ST18: variants seen among roughly 807,000 people sequenced by gnomAD.
ST18 encodes suppression of tumorigenicity 18 protein.
In ST18, 50 loss-of-function variants were observed where a neutral mutation model predicts 110.0. The ratio of observed to expected loss-of-function variants is 0.45; its 90% CI spans 0.36 to 0.58. ST18 has a LOEUF of 0.58. Ranked by LOEUF, ST18 falls within the 20% of genes least tolerant of loss-of-function variation. The pLI, the probability that ST18 is intolerant of heterozygous loss-of-function variation, is 0.00. For missense variants in ST18, 1,306 were observed against 1,280.1 expected (o/e 1.02, Z -0.31); for synonymous variants, 461 against 452.4 (o/e 1.02, Z -0.24).
At chr8:52,261,362 AC>A (rs2094688532) in intron 2 of ST18, among the ~76,000 whole-genome samples, 1 of 151,960 alleles carries the variant, frequency 6.6e-6, no homozygotes, top group Non-Finnish European at 1.5e-5. Context: ...CCTGTCATTC[AC>A]TATTCATCTC....
At chr8:52,388,001 C>T (rs1157604685) in intron 2 of ST18, among the ~76,000 whole-genome samples, 4 of 136,174 alleles carry the variant, frequency 2.9e-5, no homozygotes, top group Non-Finnish European at 4.7e-5. Flanking sequence ...AGGTGAAAAG[C>T]TAGCAGGGTG....
intron 2 of ST18, among the ~76,000 whole-genome samples, chr8:52,277,094 TG>T (rs1425957976): frequency 5.9e-5 from 9 of 152,214 alleles, no homozygotes; most frequent in Admixed American, 5.9e-4. Context: ...ATGTTTCAGC[TG>T]TGTTGGAGAC....
intron 2 of ST18, among the ~76,000 whole-genome samples, chr8:52,303,128 T>A (rs973406059): frequency 2.0e-5 from 3 of 152,240 alleles, no homozygotes; most frequent in African/African-American, 7.2e-5. Context: ...AATTGGTGGC[T>A]TAAAATGACA....
intron 2 of ST18, among the ~76,000 whole-genome samples, chr8:52,268,464 C>CTAT (rs1564373347): frequency 8.4e-5 from 12 of 143,526 alleles, no homozygotes; most frequent in Non-Finnish European, 1.8e-4. Flanking sequence ...GTCTATCTAT[C>CTAT]TATCATCTAT....
intron 6 of ST18, among the ~76,000 whole-genome samples, chr8:52,216,097 G>T (rs1049754010): frequency 6.6e-6 from 1 of 152,196 alleles, no homozygotes; most frequent in African/African-American, 2.4e-5. Flanking sequence ...GATGAACTCC[G>T]TGAGTTTCTT....
Position 52,344,697 on chromosome 8 carries a change from A to G in ST18, c.-465+64631T>C, listed in dbSNP as rs1229233635. 1.3e-5 allele frequency among the ~76,000 whole-genome samples: 2 copies of G among 152,226 alleles called. 1 individual carries two copies. The highest frequency in any genetic ancestry group is 6.3e-3 in the Middle Eastern group (2 of 316). On this transcript the variant is annotated intron_variant, in intron 2 of 25. Coordinates refer to ENST00000689386, the MANE Select transcript of ST18 (RefSeq NM_001352837.2). ...ATTACAGGCATGAGCCACCGTGCCC[A>G]GCCAATAACTGCCATTTCTAATGAG...
At chr8:52,228,602 A>T (rs1005986989) in intron 3 of ST18, among the ~76,000 whole-genome samples, 7 of 152,146 alleles carry the variant, frequency 4.6e-5, no homozygotes, top group African/African-American at 1.7e-4. Context: ...ACCTTTGCCA[A>T]ACTCACAGAG....
chr8:52,152,791 C>T (rs1428898781), intron 15 of ST18, among the ~76,000 whole-genome samples: 1 of 152,094 alleles, frequency 6.6e-6, no homozygotes, highest in African/African-American at 2.4e-5. Context: ...CTTACCTTTA[C>T]TATAAAATAA....
At chr8:52,209,183 A>G (rs975919884) in intron 8 of ST18, among the ~76,000 whole-genome samples, 1 of 152,248 alleles carries the variant, frequency 6.6e-6, no homozygotes, top group Admixed American at 6.5e-5. Flanking sequence ...TTAAAAATAT[A>G]GACTGTGAGA....
At chr8:52,319,886 A>G (rs1280741031) in intron 2 of ST18, among the ~76,000 whole-genome samples, 1 of 152,182 alleles carries the variant, frequency 6.6e-6, no homozygotes, top group Non-Finnish European at 1.5e-5. Context: ...TTCCATGGCA[A>G]CTGGCCTCCC....
chr8:52,409,830 A>G (rs1845814931), upstream of ST18: 1 of 152,270 alleles, frequency 6.6e-6, no homozygotes, highest in Admixed American at 6.5e-5. Context: ...AATGCTGTCT[A>G]TTCAGAACTC....
At chr8:52,285,191 A>C (rs1303307112) in intron 2 of ST18, among the ~76,000 whole-genome samples, 1 of 152,214 alleles carries the variant, frequency 6.6e-6, no homozygotes, top group Non-Finnish European at 1.5e-5. Context: ...CCATTACATG[A>C]GAAAAATAAA....
At chr8:52,272,351 A>G (rs1048143004) in intron 2 of ST18, among the ~76,000 whole-genome samples, 1 of 148,160 alleles carries the variant, frequency 6.7e-6, no homozygotes, top group African/African-American at 2.7e-5. Context: ...CTCAATAGTA[A>G]AAAAAAATCT....
intron 2 of ST18, among the ~76,000 whole-genome samples, chr8:52,241,267 A>C (rs754756009): frequency 3.3e-5 from 5 of 152,208 alleles, no homozygotes; most frequent in Non-Finnish European, 7.3e-5. Context: ...ATGTTTGTTG[A>C]ATGGATGGAT....
intron 17 of ST18, among the ~76,000 whole-genome samples, chr8:52,139,967 A>C (rs2131937330): frequency 6.6e-6 from 1 of 152,346 alleles, no homozygotes; most frequent in South Asian, 2.1e-4. Flanking sequence ...TTTCAGATGA[A>C]AATACAAAAA....
intron 22 of ST18, among the ~76,000 whole-genome samples, chr8:52,130,163 G>GAA (rs373425785): frequency 4.2e-5 from 6 of 144,238 alleles, no homozygotes; most frequent in African/African-American, 1.4e-4. Flanking sequence ...AAGAAAGAAA[G>GAA]AAAAAGAAAA....
chr8:52,121,100 C>G (rs1396701763), intron 23 of ST18, among the ~76,000 whole-genome samples: 1 of 152,134 alleles, frequency 6.6e-6, no homozygotes. Flanking sequence ...TGTGAGAAGA[C>G]TGTTTAAGTG....
intron 2 of ST18, among the ~76,000 whole-genome samples, chr8:52,314,134 G>A (rs962288359): frequency 6.6e-6 from 1 of 152,190 alleles, no homozygotes; most frequent in Non-Finnish European, 1.5e-5. Context: ...GCTTCATGGT[G>A]GTCTGAGGCT....
At chr8:52,329,217 TTA>T (rs1469848506) in intron 2 of ST18, among the ~76,000 whole-genome samples, 2 of 138,904 alleles carry the variant, frequency 1.4e-5, no homozygotes, top group Non-Finnish European at 1.5e-5. Flanking sequence ...ATGCATGTAT[TTA>T]TGTGTGTGTG....
Sources: gnomAD v4.1 joint callset for allele counts (sites outside exome capture counted in the v4.1 genomes callset) on GRCh38, gnomAD v4.1.1 for gene constraint, MANE v1.5 for transcripts, NCBI Gene and HGNC (gene_info 2026-07-23, HGNC 2026-07-21) for gene names.